NPHP4: variants seen among roughly 807,000 people sequenced by gnomAD.
NPHP4 encodes nephrocystin 4, also known as nephrocystin-4.
NPHP4 carries 151 observed loss-of-function variants against 155.8 expected under a neutral mutation model. The ratio of observed to expected loss-of-function variants is 0.97; its 90% CI spans 0.85 to 1.11. NPHP4 has a LOEUF of 1.11. NPHP4 is among the 50% of genes least tolerant of loss of function. The probability of loss-of-function intolerance (pLI) is 0.00; values close to 1 mark genes in which losing one functional copy is unlikely to be tolerated. For missense variants in NPHP4, 1,956 were observed against 1,925.7 expected (o/e 1.02, Z -0.29); for synonymous variants, 845 against 816.8 (o/e 1.03, Z -0.59).
rs770186173 is a variant in NPHP4, at chr1:5,888,634, C to T, written c.2305-1168G>A. On this transcript the variant is annotated intron_variant, in intron 17 of 29. Transcript: ENST00000378156. ...TCCTTTAGGGAACAGCCAACAAATA[C>T]AAGAAACCATGTCAGCTTCTCCAAG... is the stretch of plus-strand genomic sequence containing the variant. 1.5e-5 allele frequency: 20 copies of T among 1,339,764 alleles called. 1 individual carries two copies. In the South Asian group the frequency reaches 2.3e-4, roughly 16 times the overall value. The allele number at this position is 1,339,764 out of a possible 1,614,324, so 83.0% of individuals were successfully genotyped here.
chr1:5,916,315 A>T (rs1004077538), intron 11 of NPHP4, among the ~76,000 whole-genome samples: 1 of 152,218 alleles, frequency 6.6e-6, no homozygotes, highest in Non-Finnish European at 1.5e-5. Flanking sequence ...TATCATTAAG[A>T]TCTCCAAAGG....
chr1:5,917,106 C>T lies in NPHP4; in HGVS notation c.1442-7893G>A, dbSNP rs187943391. 4.2e-3 allele frequency among the ~76,000 whole-genome samples: 643 copies of T among 152,258 alleles called. 6 individuals carry two copies. The highest frequency in any genetic ancestry group is 0.014 in the African/African-American group (596 of 41,554). On this transcript the variant is annotated intron_variant, in intron 11 of 29. Coordinates refer to ENST00000378156, the MANE Select transcript of NPHP4 (RefSeq NM_015102.5). ...CTGTCAACTTCACCGACCCTGAATC[C>T]GTACTCTCTTCTGGTGGTTTTCCTT...
rs1204136627 is a variant in NPHP4 at position 5,927,773 on chromosome 1, C to T, written c.1317G>A (p.Glu439=). 6.2e-7 allele frequency: 1 copy of T among 1,610,880 alleles called. No individual in the cohort carries two copies. Among genetic ancestry groups the T allele is most frequent in the East Asian group, 2.2e-5 (1 of 44,794 alleles). ...SMSSEEVKQV[E]SGTLRFQFSL... is the part of the protein sequence containing the mutation. ...AGAACTGGAACCGGAGTGTACCCGA[C>T]TCCACCTGCTTCACCTGCAATGGAC... The change falls in exon 11 of 30, where the codon GAG becomes GAA. Residue 439 remains glutamate, a synonymous_variant. Transcript: ENST00000378156.
At chr1:5,896,207 TG>T (rs1376235572) in intron 16 of NPHP4, among the ~76,000 whole-genome samples, 60 of 152,128 alleles carry the variant, frequency 3.9e-4, no homozygotes, top group African/African-American at 1.4e-3. Flanking sequence ...CCCACAGGGA[TG>T]AGGGGAGCAG....
At chr1:5,953,833 C>T (rs576090852) in intron 6 of NPHP4, among the ~76,000 whole-genome samples, 2 of 152,352 alleles carry the variant, frequency 1.3e-5, no homozygotes, top group African/African-American at 4.8e-5. Context: ...CCTACACACA[C>T]CTGTGGACTC....
At position 5,874,956 on chromosome 1, in the gene NPHP4, C is replaced by A. The variant is rs770053255; in HGVS notation, c.2962G>T (p.Ala988Ser). The change falls in exon 21 of 30, where the codon GCC (alanine) becomes TCC (serine). Residue 988 changes from alanine to serine, a missense_variant. Transcript: ENST00000378156. ...TTAAGCACAAACTCAAAGAACTCGG[C>A]GACCCCCAGCGTGGCGTGGAGCGTG... ...EHTLHATLGV[A>S]EFFEFVLKNP... 3.1e-6 allele frequency: 5 copies of A among 1,613,342 alleles called. No homozygotes were observed. The highest frequency in any genetic ancestry group is 4.2e-6 in the Non-Finnish European group (5 of 1,179,878).
chr1:5,905,598 G>A lies in NPHP4; in HGVS notation c.1763+34C>T. 2 of 1,612,550 alleles carry A rather than the reference G, an allele frequency of 1.2e-6. No individual in the cohort carries two copies. The highest frequency in any genetic ancestry group is 1.7e-6 in the Non-Finnish European group (2 of 1,179,134). On this transcript the variant is annotated intron_variant, in intron 14 of 29. Transcript: ENST00000378156. The surrounding 1 kb of genome is among the most constrained non-coding windows in gnomAD (Gnocchi z 4.0). ...CCAACAGTCTGACGGCACAGCACGT[G>A]ACTGGTTCCATCCCACCCAGACCCA...
chr1:5,939,602 G>C (rs1423620631), intron 9 of NPHP4, among the ~76,000 whole-genome samples: 1 of 152,222 alleles, frequency 6.6e-6, no homozygotes, highest in Non-Finnish European at 1.5e-5. Context: ...GTCTCACAGA[G>C]CCAATGAACA....
At chr1:5,964,941 A>ATATATATATATATTTTTTTTTTTTTT in intron 5 of NPHP4, among the ~76,000 whole-genome samples, 5 of 59,426 alleles carry the variant, frequency 8.4e-5, no homozygotes, top group African/African-American at 1.7e-4. Context: ...ATATATATAT[A>ATATATATATATATTTTTTTTTTTTTT]TTTTTTTTTT....
In NPHP4 at chr1:5,867,053, C is replaced by A. The variant is rs757359430; in HGVS notation, c.3535G>T (p.Val1179Phe). The change falls in exon 25 of 30, where the codon GTC becomes TTC. Residue 1179 changes from valine (V) to phenylalanine (F), a missense_variant. Transcript: ENST00000378156. The surrounding 1 kb of genome is among the most constrained non-coding windows in gnomAD (Gnocchi z 4.1). ...ACCACATTCTGGGTCTCACAGATGA[C>A]GTTCGGGTCGCTGCAGCGAACATGG... ...PVHVRCSDPN[V>F]ICETQNVGPG... 6.9e-5 allele frequency: 112 copies of A among 1,612,942 alleles called. No individual in the cohort carries two copies. The highest frequency in any genetic ancestry group is 9.0e-5 in the Non-Finnish European group (106 of 1,179,530).
rs375278331 is a variant in NPHP4 at position 5,978,307 on chromosome 1, G to A, written c.242C>T (p.Pro81Leu). The part of the protein sequence containing the change: ...FGRTWKTTVK[P>L]TKRPPSRIVF... ...GATCCTGGACGGCGGTCTCTTCGTCGGCTTCACTGTGGTTTTCCACGTCCT... is the reference window on the plus strand; with the variant it reads ...GATCCTGGACGGCGGTCTCTTCGTCAGCTTCACTGTGGTTTTCCACGTCCT... Residue 81 changes from proline to leucine, a missense_variant, in exon 3 of 30, where the codon CCG (proline) becomes CTG (leucine). Coordinates refer to ENST00000378156, the MANE Select transcript of NPHP4 (RefSeq NM_015102.5). The A allele has an allele frequency of 3.0e-5, 49 of 1,608,984 alleles. No individual in the cohort carries two copies. Among genetic ancestry groups the A allele is most frequent in the Middle Eastern group, 1.6e-4 (1 of 6,078 alleles).
intron 18 of NPHP4, 50 bp from the exon 19 acceptor site, chr1:5,880,289 G>C (rs766376183): frequency 6.3e-7 from 1 of 1,597,076 alleles, no homozygotes; most frequent in Admixed American, 1.7e-5. Context: ...ATGAGAATCT[G>C]ATGAAACAGA....
In NPHP4 at chr1:5,927,787, C is replaced by T; in HGVS notation, c.1303G>A (p.Val435Met). The T allele has an allele frequency of 1.2e-6, 2 of 1,609,362 alleles. No homozygotes were observed. Among genetic ancestry groups the T allele is most frequent in the Non-Finnish European group, 1.7e-6 (2 of 1,176,036 alleles). The change falls in exon 11 of 30, where the codon GTG (valine) becomes ATG (methionine). Residue 435 changes from valine (V) to methionine (M), a missense_variant and splice_region_variant. Physicochemically the swap from Val to Met is conservative, Grantham distance 21 (BLOSUM62 1). Transcript: ENST00000378156. ...AGTGTACCCGACTCCACCTGCTTCA[C>T]CTGCAATGGACCAGAAGAGCAGTGA... ...VPSASMSSEE[V>M]KQVESGTLRF...
intron 10 of NPHP4, among the ~76,000 whole-genome samples, chr1:5,929,757 T>C (rs1391120755): frequency 6.6e-6 from 1 of 152,178 alleles, no homozygotes; most frequent in African/African-American, 2.4e-5. Context: ...TCCACAGTTC[T>C]GTTTTCTTGT....
intron 6 of NPHP4, among the ~76,000 whole-genome samples, chr1:5,956,321 A>C (rs546639318): frequency 6.6e-6 from 1 of 152,338 alleles, no homozygotes; most frequent in South Asian, 2.1e-4. Flanking sequence ...CACCCCCAGG[A>C]GCAAAAGCCA....
intron 9 of NPHP4, among the ~76,000 whole-genome samples, chr1:5,933,931 T>TCTGG (rs1646404183): frequency 6.6e-6 from 1 of 152,226 alleles, no homozygotes; most frequent in Non-Finnish European, 1.5e-5. Flanking sequence ...TCTGCTTCTC[T>TCTGG]CTGGCTGGCC....
intron 23 of NPHP4, among the ~76,000 whole-genome samples, chr1:5,869,098 C>T (rs549492163): frequency 2.8e-5 from 4 of 142,064 alleles, no homozygotes; most frequent in African/African-American, 1.0e-4. Flanking sequence ...CACATGCACA[C>T]ATGCATGCAC....
intron 7 of NPHP4, among the ~76,000 whole-genome samples, chr1:5,950,115 T>C (rs1222402806): frequency 2.0e-5 from 3 of 152,128 alleles, no homozygotes; most frequent in African/African-American, 7.2e-5. Context: ...TTACACTTCA[T>C]CTTACCCAAA....
chr1:5,925,003 C>A (rs1645925047), intron 11 of NPHP4, among the ~76,000 whole-genome samples: 2 of 152,086 alleles, frequency 1.3e-5, no homozygotes, highest in African/African-American at 2.4e-5. Flanking sequence ...AGAAGGTAGT[C>A]ATATTTTTCC....
Sources: gnomAD v4.1 joint callset for allele counts (sites outside exome capture counted in the v4.1 genomes callset) on GRCh38, gnomAD v4.1.1 for gene constraint, Gnocchi (gnomAD v3.1) non-coding constraint, MANE v1.5 for transcripts, NCBI Gene and HGNC (gene_info 2026-07-23, HGNC 2026-07-21) for gene names.